WDR17: variants seen among roughly 807,000 people sequenced by gnomAD.
WDR17 encodes the protein WD repeat domain 17.
WDR17 carries 143 observed loss-of-function variants against 161.7 expected under a neutral mutation model. The ratio of observed to expected loss-of-function variants is 0.88; its 90% CI spans 0.77 to 1.02. WDR17 has a LOEUF of 1.02. WDR17 is among the 50% of genes least tolerant of loss of function. The pLI, the probability that WDR17 is intolerant of heterozygous loss-of-function variation, is 0.00. For missense variants in WDR17, 1,469 were observed against 1,520.9 expected (o/e 0.97, Z 0.57); for synonymous variants, 517 against 515.6 (o/e 1.00, Z -0.04).
intron 1 of WDR17, among the ~76,000 whole-genome samples, chr4:176,076,287 A>C (rs1460942844): frequency 6.7e-6 from 1 of 148,768 alleles, no homozygotes; most frequent in African/African-American, 2.5e-5. Context: ...ACATGTAAGC[A>C]AAATATGTGT....
At chr4:176,125,818 A>G (rs1033123578) in intron 5 of WDR17, among the ~76,000 whole-genome samples, 1 of 152,240 alleles carries the variant, frequency 6.6e-6, no homozygotes, top group Non-Finnish European at 1.5e-5. Flanking sequence ...TGAGTAATCT[A>G]TAAACCATAA....
At chr4:176,127,136 A>C (rs1055242274) in intron 5 of WDR17, among the ~76,000 whole-genome samples, 1 of 152,188 alleles carries the variant, frequency 6.6e-6, no homozygotes, top group African/African-American at 2.4e-5. Flanking sequence ...TTTATGTAAG[A>C]GACTTGAGCA....
intron 7 of WDR17, among the ~76,000 whole-genome samples, chr4:176,132,847 TA>T (rs200486218): frequency 4.6e-5 from 7 of 150,968 alleles, no homozygotes; most frequent in South Asian, 2.1e-4. Flanking sequence ...CTTAAATCTA[TA>T]AAAAAAAACT....
chr4:176,177,744 A>G (rs1715333167), intron 28 of WDR17, 90 bp downstream of exon 28: 2 of 1,353,806 alleles, frequency 1.5e-6, no homozygotes, highest in Admixed American at 5.7e-5. Context: ...AATTTGGATA[A>G]AAGTAGGTAA....
intron 1 of WDR17, among the ~76,000 whole-genome samples, chr4:176,108,823 T>C (rs1317254261): frequency 6.6e-6 from 1 of 152,186 alleles, no homozygotes; most frequent in South Asian, 2.1e-4. Context: ...TGAGACTTGC[T>C]GTGTCTCCCA....
intron 5 of WDR17, among the ~76,000 whole-genome samples, chr4:176,126,964 A>C (rs1413070652): frequency 6.6e-6 from 1 of 152,210 alleles, no homozygotes; most frequent in Non-Finnish European, 1.5e-5. Context: ...AGGCCTCCTC[A>C]GCCATGCAGA....
chr4:176,129,130 T>C (rs1031797527), intron 6 of WDR17, among the ~76,000 whole-genome samples: 1 of 152,064 alleles, frequency 6.6e-6, no homozygotes, highest in Non-Finnish European at 1.5e-5. Flanking sequence ...AAAAGATGAA[T>C]CAATGATACT....
intron 1 of WDR17, among the ~76,000 whole-genome samples, chr4:176,092,493 T>G (rs999584843): frequency 6.6e-6 from 1 of 152,164 alleles, no homozygotes; most frequent in African/African-American, 2.4e-5. Context: ...CTGAAAGCCT[T>G]TTACTATTGT....
chr4:176,138,749 A>C (rs1198367882), intron 9 of WDR17, among the ~76,000 whole-genome samples: 1 of 151,796 alleles, frequency 6.6e-6, no homozygotes, highest in Admixed American at 6.6e-5. Flanking sequence ...CTAGTACCTA[A>C]ACACTTCCAG....
At chr4:176,131,220 T>C (rs1444465005) in intron 6 of WDR17, among the ~76,000 whole-genome samples, 1 of 152,176 alleles carries the variant, frequency 6.6e-6, no homozygotes, top group Non-Finnish European at 1.5e-5. Flanking sequence ...TAAGCTATTA[T>C]GTCAGTATTT....
intron 20 of WDR17, 129 bp downstream of exon 20, chr4:176,161,131 A>G (rs1748981365): frequency 3.2e-6 from 2 of 617,550 alleles, no homozygotes; most frequent in Non-Finnish European, 2.6e-6. Flanking sequence ...ATTCCTCACC[A>G]TGATCCAGTT....
At position 176,177,008 on chromosome 4, in the gene WDR17, G is replaced by A. The variant is rs766048739; in HGVS notation, c.3450-50G>A. ...CATTTAAAGTTTGTTTGCTTTTTCT[G>A]ATATCTTAGTTTTTGGTATCAGATG... On this transcript the variant is annotated intron_variant, in intron 26 of 28. Coordinates refer to ENST00000508596, the MANE Select transcript of WDR17 (RefSeq NM_181265.4). The A allele has an allele frequency of 6.0e-6, 8 of 1,327,326 alleles. No individual in the cohort carries two copies. In the African/African-American group the frequency reaches 1.2e-4, roughly 19 times the overall value. The allele number at this position is 1,327,326 out of a possible 1,614,324, so 82.2% of individuals were successfully genotyped here. A position where few individuals can be genotyped will look rare whatever the true frequency, so the allele number is the denominator to read the frequency against.
intron 1 of WDR17, among the ~76,000 whole-genome samples, chr4:176,090,998 C>G (rs1736050125): frequency 6.6e-6 from 1 of 152,152 alleles, no homozygotes; most frequent in African/African-American, 2.4e-5. Context: ...CTGGGTGGGC[C>G]AGGTGTTCCT....
intron 6 of WDR17, among the ~76,000 whole-genome samples, chr4:176,130,530 G>A (rs13122053): frequency 0.18 from 27,749 of 152,018 alleles, 2,887 homozygotes; most frequent in South Asian, 0.26. Flanking sequence ...AGATCACAAG[G>A]TCAGGAGATC....
chr4:176,168,858 A>G (rs1750278213), intron 23 of WDR17, 75 bp downstream of exon 23: 1 of 1,510,434 alleles, frequency 6.6e-7, no homozygotes, highest in Non-Finnish European at 8.9e-7. Flanking sequence ...TCAAGCAAAT[A>G]GAGATGCATG....
chr4:176,146,787 G>A (rs949451535), intron 12 of WDR17, among the ~76,000 whole-genome samples: 2 of 151,912 alleles, frequency 1.3e-5, no homozygotes, highest in African/African-American at 4.8e-5. Flanking sequence ...GCATATATAA[G>A]AAATTAGCAA....
At chr4:176,152,866 C>T (rs1747434236) in intron 17 of WDR17, among the ~76,000 whole-genome samples, 1 of 150,588 alleles carries the variant, frequency 6.6e-6, no homozygotes, top group African/African-American at 2.4e-5. Context: ...ACCTGGGAGG[C>T]GGAGGTTGCA....
chr4:176,079,303 G>A (rs1001444983), intron 1 of WDR17, among the ~76,000 whole-genome samples: 1 of 151,854 alleles, frequency 6.6e-6, no homozygotes, highest in Non-Finnish European at 1.5e-5. Flanking sequence ...CTACATTTTG[G>A]CTATAGTGCT....
intron 4 of WDR17, among the ~76,000 whole-genome samples, chr4:176,120,872 T>C (rs761188149): frequency 3.9e-5 from 6 of 151,950 alleles, no homozygotes; most frequent in East Asian, 3.9e-4. Flanking sequence ...AAAAAAGAAA[T>C]TGAAATTGAA....
Sources: gnomAD v4.1 joint callset for allele counts (sites outside exome capture counted in the v4.1 genomes callset) on GRCh38, gnomAD v4.1.1 for gene constraint, MANE v1.5 for transcripts, NCBI Gene and HGNC (gene_info 2026-07-23, HGNC 2026-07-21) for gene names.